The following EPHA6 variants were observed in gnomAD, a reference collection of about 807,000 sequenced individuals.
EPHA6 encodes ephrin type-A receptor 6.
EPHA6 carries 50 observed loss-of-function variants against 112.0 expected under a neutral mutation model. The ratio of observed to expected loss-of-function variants is 0.45; its 90% confidence interval spans 0.36 to 0.56. The LOEUF is 0.56. EPHA6 is among the 20% of genes least tolerant of loss of function. The probability of loss-of-function intolerance (pLI) is 0.00; values close to 1 mark genes in which losing one functional copy is unlikely to be tolerated. For synonymous variants in EPHA6, 529 were observed against 490.7 expected (o/e 1.08, Z -1.03); for missense variants, 1,280 against 1,417.4 (o/e 0.90, Z 1.56).
intron 10 of EPHA6, among the ~76,000 whole-genome samples, chr3:97,525,579 A>G (rs1000002752): frequency 1.1e-4 from 17 of 152,114 alleles, no homozygotes; most frequent in African/African-American, 9.7e-5. Context: ...GTAGGCTTGC[A>G]TTTCTGTCTG....
At chr3:97,178,857 C>A (rs1199015285) in intron 3 of EPHA6, among the ~76,000 whole-genome samples, 1 of 151,988 alleles carries the variant, frequency 6.6e-6, no homozygotes, top group East Asian at 1.9e-4. Context: ...TCTTCTATGA[C>A]CTTCTTGTAT....
At chr3:97,034,615 A>G (rs1403032347) in intron 3 of EPHA6, among the ~76,000 whole-genome samples, 2 of 151,886 alleles carry the variant, frequency 1.3e-5, no homozygotes, top group Non-Finnish European at 2.9e-5. Flanking sequence ...GTCTGAACAG[A>G]TGACTTTTTG....
At chr3:97,445,765 A>C (rs932409456) in intron 6 of EPHA6, among the ~76,000 whole-genome samples, 1 of 149,310 alleles carries the variant, frequency 6.7e-6, no homozygotes, top group African/African-American at 2.6e-5. Flanking sequence ...CTTGATCATG[A>C]AAAAAAGAAA....
intron 5 of EPHA6, among the ~76,000 whole-genome samples, chr3:97,258,244 A>ATG (rs1333293803): frequency 7.4e-5 from 11 of 148,176 alleles, no homozygotes; most frequent in Admixed American, 7.3e-4. Context: ...GTATGAGTAT[A>ATG]TATATATACA....
intron 6 of EPHA6, among the ~76,000 whole-genome samples, chr3:97,444,450 T>C (rs2090255090): frequency 6.6e-6 from 1 of 152,084 alleles, no homozygotes; most frequent in Admixed American, 6.6e-5. Context: ...AAAAAAATAT[T>C]GAATTGAATT....
intron 10 of EPHA6, among the ~76,000 whole-genome samples, chr3:97,517,836 A>T (rs539525245): frequency 9.9e-5 from 15 of 152,132 alleles, no homozygotes; most frequent in Admixed American, 9.8e-4. Context: ...CACATCGGAG[A>T]TCATGTGCTA....
chr3:97,133,112 G>T (rs1204910837), intron 3 of EPHA6, among the ~76,000 whole-genome samples: 1 of 152,044 alleles, frequency 6.6e-6, no homozygotes, highest in Admixed American at 6.6e-5. Flanking sequence ...GGTAAAGGTT[G>T]AGAATTTTCC....
Position 96,987,795 on chromosome 3 carries a change from C to G in EPHA6, c.916C>G (p.Arg306Gly). The change falls in exon 3 of 18, where the codon CGT becomes GGT. Residue 306 changes from arginine (R) to glycine (G), a missense_variant. By Grantham distance (125) the Arg-to-Gly change is moderately radical. Transcript: ENST00000389672. ...CTACAAGAAATGCCCCTTCACTGTTCGTAACTTGGCCATGTTTCCTGATAC... is the reference window on the plus strand; with the variant it reads ...CTACAAGAAATGCCCCTTCACTGTTGGTAACTTGGCCATGTTTCCTGATAC... ...VFYKKCPFTV[R>G]NLAMFPDTIP... is the part of the protein sequence containing the mutation. 1 of 1,613,958 alleles carries G rather than the reference C, an allele frequency of 6.2e-7. No individual in the cohort carries two copies. Among genetic ancestry groups the G allele is most frequent in the Non-Finnish European group, 8.5e-7 (1 of 1,179,896 alleles).
intron 2 of EPHA6, among the ~76,000 whole-genome samples, chr3:96,904,283 AATG>A (rs1324630854): frequency 1.3e-5 from 2 of 152,012 alleles, no homozygotes; most frequent in Non-Finnish European, 2.9e-5. Flanking sequence ...AGTGATAAAA[AATG>A]ATGAGTTCAT....
intron 2 of EPHA6, among the ~76,000 whole-genome samples, chr3:96,951,906 T>C (rs954770511): frequency 4.6e-5 from 7 of 152,146 alleles, no homozygotes; most frequent in Non-Finnish European, 8.8e-5. Context: ...GTCATGAAAA[T>C]TAGCATGGTC....
rs570034231 is a variant in EPHA6 at position 97,056,355 on chromosome 3, A to T, written c.1114+68362A>T. ...TGCTCACCCTAAATTTGACATCCTT[A>T]CATACTTGGAATTACAAGTCTCTTC... On this transcript the variant is annotated intron_variant, in intron 3 of 17. Transcript: ENST00000389672. Among the ~76,000 whole-genome samples, 3 of 152,278 alleles carry T rather than the reference A, an allele frequency of 2.0e-5. No homozygotes were observed. In the South Asian group the frequency reaches 6.2e-4, roughly 32 times the overall value.
intron 7 of EPHA6, among the ~76,000 whole-genome samples, chr3:97,452,550 A>G (rs2090562495): frequency 6.6e-6 from 1 of 151,850 alleles, no homozygotes; most frequent in Non-Finnish European, 1.5e-5. Context: ...CCTTATTATT[A>G]GGTACTGTAC....
chr3:97,002,796 A>G (rs970588842), intron 3 of EPHA6, among the ~76,000 whole-genome samples: 2 of 152,110 alleles, frequency 1.3e-5, no homozygotes, highest in African/African-American at 4.8e-5. Context: ...ATGCATTGCA[A>G]TATAAAGGAA....
chr3:97,322,367 G>A (rs1200697334), intron 5 of EPHA6, among the ~76,000 whole-genome samples: 5 of 151,954 alleles, frequency 3.3e-5, no homozygotes, highest in Non-Finnish European at 5.9e-5. Flanking sequence ...AAACTCAGAA[G>A]CTTCAAGTAT....
intron 5 of EPHA6, among the ~76,000 whole-genome samples, chr3:97,344,909 G>A (rs2083465344): frequency 6.6e-6 from 1 of 152,074 alleles, no homozygotes; most frequent in Non-Finnish European, 1.5e-5. Context: ...AGAAAGAAAT[G>A]AAGGAACAAA....
intron 11 of EPHA6, among the ~76,000 whole-genome samples, chr3:97,564,881 A>G (rs1388846425): frequency 1.3e-5 from 2 of 152,226 alleles, no homozygotes; most frequent in African/African-American, 4.8e-5. Context: ...GCATGTTTCA[A>G]GTAAATATCT....
At position 97,384,703 on chromosome 3, in the gene EPHA6, AT is replaced by A. The variant is rs533444831; in HGVS notation, c.1607-20440del. ...ATCCAAAGAATTTATGAATATGGTA[AT>A]TTTTTTATTTTAGATAACATGAAAT... On this transcript the variant is annotated intron_variant, in intron 5 of 17. Transcript: ENST00000389672. 7.9e-5 allele frequency among the ~76,000 whole-genome samples: 12 copies of A among 152,220 alleles called. No individual in the cohort carries two copies. The East Asian group carries it at 1.5e-3, about 20-fold the overall frequency.
At chr3:97,306,424 G>C (rs950754960) in intron 5 of EPHA6, among the ~76,000 whole-genome samples, 2 of 151,486 alleles carry the variant, frequency 1.3e-5, no homozygotes, top group Admixed American at 1.3e-4. Context: ...AGCACTCTGG[G>C]AAGACCCCAG....
chr3:96,906,648 T>C (rs1055045828), intron 2 of EPHA6, among the ~76,000 whole-genome samples: 1 of 152,078 alleles, frequency 6.6e-6, no homozygotes, highest in African/African-American at 2.4e-5. Context: ...TTGTTCTTTG[T>C]CATATTTTTC....
Sources: gnomAD v4.1 joint callset for allele counts (sites outside exome capture counted in the v4.1 genomes callset) on GRCh38, gnomAD v4.1.1 for gene constraint, MANE v1.5 for transcripts, NCBI Gene and HGNC (gene_info 2026-07-23, HGNC 2026-07-21) for gene names.